BFAR: variants seen among roughly 807,000 people sequenced by gnomAD.
BFAR encodes RING finger protein 47.
A neutral mutation model predicts 54.4 loss-of-function variants in BFAR; 52 were observed. The ratio of observed to expected loss-of-function variants is 0.96; its 90% CI spans 0.77 to 1.21. The LOEUF is 1.21. Among genes scored for constraint, BFAR ranks in the 50% most tolerant of loss-of-function variants. The pLI, the probability that BFAR is intolerant of heterozygous loss-of-function variation, is 0.00. For missense variants in BFAR, 571 were observed against 534.0 expected, an observed-to-expected ratio of 1.07 and a Z score of -0.68; for synonymous variants, 215 against 204.3, an observed-to-expected ratio of 1.05 and a Z score of -0.45.
chr16:14,661,314 T>G lies in BFAR; in HGVS notation c.784-578T>G, dbSNP rs985799772. On this transcript the variant is annotated intron_variant, in intron 5 of 7. Transcript: ENST00000261658. ...TGATACCTTTTTCAAAATAGCTTTTTAAAAAGGCTATATTCTGCAAGCAGG... is the reference window on the plus strand; with the variant it reads ...TGATACCTTTTTCAAAATAGCTTTTGAAAAAGGCTATATTCTGCAAGCAGG... Among the ~76,000 whole-genome samples the G allele has an allele frequency of 8.0e-5, 12 of 150,096 alleles. 1 individual carries two copies. In the South Asian group the frequency reaches 8.5e-4, roughly 11 times the overall value.
Position 14,648,389 on chromosome 16 carries a change from G to A in BFAR, c.265G>A (p.Asp89Asn). 1 of 1,609,114 alleles carries A rather than the reference G, an allele frequency of 6.2e-7. No homozygotes were observed. The highest frequency in any genetic ancestry group is 8.5e-7 in the Non-Finnish European group (1 of 1,175,862). Residue 89 changes from aspartate to asparagine, a missense_variant and splice_region_variant, in exon 3 of 8, where the codon GAT becomes AAT. By Grantham distance (23) the Asp-to-Asn change is conservative. Transcript: ENST00000261658. ...ATTTTTTTTTTCTATTCTCCATAGG[G>A]ATGCCATTGAAAAGTTATTTCCTGA... ...GFPKVSILLRDAIEKLFPDAI... is the reference protein window; with the variant it reads ...GFPKVSILLRNAIEKLFPDAI...
intron 1 of BFAR, among the ~76,000 whole-genome samples, chr16:14,643,426 G>C (rs2151836697): frequency 6.6e-6 from 1 of 152,278 alleles, no homozygotes; most frequent in South Asian, 2.1e-4. Context: ...TCGAGTCTAT[G>C]GAACCTTCCA....
intron 5 of BFAR, among the ~76,000 whole-genome samples, chr16:14,660,843 G>A (rs1960268480): frequency 6.6e-6 from 1 of 151,862 alleles, no homozygotes; most frequent in African/African-American, 2.4e-5. Context: ...AGACGTTGCA[G>A]TGAGCCAAAA....
At chr16:14,663,467 G>T (rs1960350684) in intron 6 of BFAR, among the ~76,000 whole-genome samples, 1 of 152,042 alleles carries the variant, frequency 6.6e-6, no homozygotes, top group African/African-American at 2.4e-5. Flanking sequence ...GAGTAGCTGG[G>T]ACTACAGGCG....
At chr16:14,663,293 A>T (rs1200259242) in intron 6 of BFAR, among the ~76,000 whole-genome samples, 1 of 151,508 alleles carries the variant, frequency 6.6e-6, no homozygotes, top group African/African-American at 2.4e-5. Context: ...CCAGCCCTTC[A>T]ATTTTAACGA....
In BFAR at chr16:14,665,064, G is replaced by C. The variant is rs1960405658; in HGVS notation, c.1153G>C (p.Glu385Gln). The C allele has an allele frequency of 6.2e-7, 1 of 1,610,606 alleles. No individual in the cohort carries two copies. The highest frequency in any genetic ancestry group is 8.5e-7 in the Non-Finnish European group (1 of 1,176,848). Reference sequence around the variant, plus strand: ...CTTTTGGAGAATCTGGTCGAGAAGTGAACTGAAGTAAGTATGTTTTAATGG... The same window carrying C: ...CTTTTGGAGAATCTGGTCGAGAAGTCAACTGAAGTAAGTATGTTTTAATGG... The part of the protein sequence containing the change: ...FSFWRIWSRS[E>Q]LKTVPQRMWS... Residue 385 changes from glutamate (E) to glutamine (Q), a missense_variant, in exon 7 of 8, where the codon GAA becomes CAA. By Grantham distance (29) the Glu-to-Gln change is conservative. Coordinates refer to ENST00000261658, the MANE Select transcript of BFAR (RefSeq NM_016561.3).
intron 4 of BFAR, among the ~76,000 whole-genome samples, chr16:14,651,760 A>T (rs1337905990): frequency 1.3e-5 from 2 of 152,024 alleles, no homozygotes; most frequent in Non-Finnish European, 2.9e-5. Context: ...GATTATAGGC[A>T]TGAGCCCCCG....
rs532050052 is a variant in BFAR at position 14,667,024 on chromosome 16, G to A, written c.1161-611G>A. Among the ~76,000 whole-genome samples the A allele has an allele frequency of 2.6e-5, 4 of 152,146 alleles. No individual in the cohort carries two copies. The East Asian group carries it at 7.7e-4, about 29-fold the overall frequency. On this transcript the variant is annotated intron_variant, in intron 7 of 7. Coordinates refer to ENST00000261658, the MANE Select transcript of BFAR (RefSeq NM_016561.3). ...AGTTCAAGTGCAGCCTGGGCAACGT[G>A]GCAAAACCTGTCTCTAAAAATACAA...
intron 2 of BFAR, among the ~76,000 whole-genome samples, chr16:14,647,692 AC>A (rs1040223915): frequency 5.9e-5 from 9 of 151,762 alleles, no homozygotes; most frequent in East Asian, 2.0e-4. Context: ...AAAAAAAAAA[AC>A]AAGTGCCAAT....
chr16:14,655,060 C>G lies in BFAR; in HGVS notation c.639-6C>G. The G allele has an allele frequency of 6.3e-7, 1 of 1,599,714 alleles. No individual in the cohort carries two copies. On this transcript the variant is annotated splice_region_variant and splice_polypyrimidine_tract_variant and intron_variant, in intron 4 of 7. Coordinates refer to ENST00000261658, the MANE Select transcript of BFAR (RefSeq NM_016561.3). The stretch of plus-strand genomic sequence containing the variant: ...GCAAAATAAATCTCCTCCTGCCCCT[C>G]TACAGGTTGCTTTTAACTTTGACAG...
chr16:14,655,251 T>C lies in BFAR; in HGVS notation c.783+41T>C, dbSNP rs773442168. The stretch of plus-strand genomic sequence containing the variant: ...TTTTTTTTTTTTTTTTACTTTTTAT[T>C]TTTATTTTTTGTTAATTTTTTTTAA... On this transcript the variant is annotated intron_variant, in intron 5 of 7. Coordinates refer to ENST00000261658, the MANE Select transcript of BFAR (RefSeq NM_016561.3). 5 of 1,251,872 alleles carry C rather than the reference T, an allele frequency of 4.0e-6. No individual in the cohort carries two copies. The South Asian group carries it at 1.2e-4, about 30-fold the overall frequency. 77.5% of individuals were successfully genotyped at this position (1,251,872 alleles called of 1,614,324 possible).
chr16:14,649,704 T>C (rs1959910171), intron 3 of BFAR, 100 bp from the exon 4 acceptor site: 3 of 1,107,392 alleles, frequency 2.7e-6, no homozygotes, highest in East Asian at 4.9e-5. Context: ...CATCATTCCC[T>C]GTGAGCTCAG....
At chr16:14,662,230 G>T (rs1005885585) in intron 6 of BFAR, among the ~76,000 whole-genome samples, 165 bp downstream of exon 6, 12 of 152,104 alleles carry the variant, frequency 7.9e-5, no homozygotes, top group Non-Finnish European at 1.5e-4. Flanking sequence ...TTCTCTTGGG[G>T]CCAGTACTTC....
intron 5 of BFAR, among the ~76,000 whole-genome samples, chr16:14,655,729 C>T (rs563758714): frequency 3.3e-5 from 5 of 152,256 alleles, no homozygotes; most frequent in South Asian, 2.1e-4. Flanking sequence ...CGTCAGCCAC[C>T]GCGCCTGGCC....
chr16:14,644,115 A>G (rs543001162), intron 1 of BFAR, among the ~76,000 whole-genome samples, 159 bp from the exon 2 acceptor site: 5 of 150,982 alleles, frequency 3.3e-5, no homozygotes, highest in Non-Finnish European at 1.5e-5. Context: ...GTGAGCTGAG[A>G]TCACGCCACT....
chr16:14,667,446 A>T (rs1960472256), intron 7 of BFAR, 189 bp from the exon 8 acceptor site: 1 of 573,346 alleles, frequency 1.7e-6, no homozygotes, highest in Admixed American at 3.0e-5. Flanking sequence ...AGCTCCCTGT[A>T]GGTCATGTCC....
In BFAR at chr16:14,655,052, C is replaced by T. The variant is rs775914416; in HGVS notation, c.639-14C>T. The T allele has an allele frequency of 1.3e-6, 2 of 1,591,460 alleles. No individual in the cohort carries two copies. The highest frequency in any genetic ancestry group is 1.7e-6 in the Non-Finnish European group (2 of 1,171,986). Reference sequence around the variant, plus strand: ...ATATAATCGCAAAATAAATCTCCTCCTGCCCCTCTACAGGTTGCTTTTAAC... The same window carrying T: ...ATATAATCGCAAAATAAATCTCCTCTTGCCCCTCTACAGGTTGCTTTTAAC... On this transcript the variant is annotated splice_polypyrimidine_tract_variant and intron_variant, in intron 4 of 7. Transcript: ENST00000261658.
Position 14,657,240 on chromosome 16 carries a change from T to TTTTTG in BFAR, c.783+2050_783+2054dup, listed in dbSNP as rs537636988. Among the ~76,000 whole-genome samples the TTTTTG allele has an allele frequency of 7.8e-3, 1,181 of 152,034 alleles. 13 individuals carry two copies. The highest frequency in any genetic ancestry group is 0.011 in the Non-Finnish European group (751 of 67,962). ...TATTTTTTGTGTTATTTGGTTTTTG[T>TTTTTG]TTTTGTTTTGTTTTGTTTTGTTTTT... On this transcript the variant is annotated intron_variant, in intron 5 of 7. Transcript: ENST00000261658.
At chr16:14,635,226 T>C (rs532904184) in intron 1 of BFAR, among the ~76,000 whole-genome samples, 1 of 152,134 alleles carries the variant, frequency 6.6e-6, no homozygotes, top group Non-Finnish European at 1.5e-5. Context: ...TTCCAGCTAC[T>C]TGTGAGGCTG....
Sources: gnomAD v4.1 joint callset for allele counts (sites outside exome capture counted in the v4.1 genomes callset) on GRCh38, gnomAD v4.1.1 for gene constraint, MANE v1.5 for transcripts, NCBI Gene and HGNC (gene_info 2026-07-23, HGNC 2026-07-21) for gene names.